Variants in KANK1 observed in about 807,000 individuals in gnomAD.
KANK1 encodes the protein KN motif and ankyrin repeat domains 1, also known as KN motif and ankyrin repeat domain-containing protein 1.
Under a neutral mutation model 106.2 loss-of-function variants are expected in KANK1, and 109 were observed. The ratio of observed to expected loss-of-function variants is 1.03; its 90% CI spans 0.88 to 1.20. The LOEUF is 1.20. Ranked by LOEUF, KANK1 falls within the 50% of genes most tolerant of loss-of-function variation. The pLI, the probability that KANK1 is intolerant of heterozygous loss-of-function variation, is 0.00. For synonymous variants in KANK1, 873 were observed against 652.2 expected (o/e 1.34, Z -5.16); for missense variants, 2,399 against 1,710.7 (o/e 1.40, Z -7.10).
At position 599,316 on chromosome 9, in the gene KANK1, C is replaced by T. The variant is rs1827142078; in HGVS notation, c.-83-77574C>T. Among the ~76,000 whole-genome samples the T allele has an allele frequency of 1.3e-5, 2 of 151,578 alleles. 1 individual carries two copies. Among genetic ancestry groups the T allele is most frequent in the African/African-American group, 4.9e-5 (2 of 40,952 alleles). ...TATAGTTGTGAGCCACCACACCCGGCAAGAAATATTATTTTTATTTTTTAA... is the reference window on the plus strand; with the variant it reads ...TATAGTTGTGAGCCACCACACCCGGTAAGAAATATTATTTTTATTTTTTAA... On this transcript the variant is annotated intron_variant, in intron 1 of 11. Coordinates refer to ENST00000382297, the MANE Select transcript of KANK1 (RefSeq NM_015158.5).
intron 10 of KANK1, among the ~76,000 whole-genome samples, chr9:743,094 G>T (rs1378852221): frequency 2.0e-5 from 3 of 152,214 alleles, no homozygotes; most frequent in African/African-American, 4.8e-5. Flanking sequence ...GTAGAAGGTA[G>T]GAACTGGCAT....
intron 1 of KANK1, among the ~76,000 whole-genome samples, chr9:642,145 A>T (rs1256403387): frequency 6.6e-6 from 1 of 152,084 alleles, no homozygotes; most frequent in African/African-American, 2.4e-5. Flanking sequence ...TGCGGATTAA[A>T]CCAGCTTACT....
chr9:602,776 T>C lies in KANK1; in HGVS notation c.-83-74114T>C, dbSNP rs1346633798. 3.9e-5 allele frequency among the ~76,000 whole-genome samples: 6 copies of C among 152,030 alleles called. No homozygotes were observed. In the East Asian group the frequency reaches 1.2e-3, roughly 29 times the overall value. Reference sequence around the variant, plus strand: ...TAGATTGAAAGCCTGTTCTCCTTGATGATTCAGTATAACTTCTTTTGACTG... The same window carrying C: ...TAGATTGAAAGCCTGTTCTCCTTGACGATTCAGTATAACTTCTTTTGACTG... On this transcript the variant is annotated intron_variant, in intron 1 of 11. Coordinates refer to ENST00000382297, the MANE Select transcript of KANK1 (RefSeq NM_015158.5).
intron 1 of KANK1, among the ~76,000 whole-genome samples, chr9:532,801 T>C (rs963930927): frequency 3.9e-5 from 6 of 152,022 alleles, no homozygotes; most frequent in African/African-American, 1.5e-4. Context: ...ATTTCTGGAG[T>C]GTGGATCGAA....
chr9:700,384 C>T (rs567602629), intron 2 of KANK1, among the ~76,000 whole-genome samples: 1 of 152,170 alleles, frequency 6.6e-6, no homozygotes, highest in Non-Finnish European at 1.5e-5. Flanking sequence ...TCAGGAGATA[C>T]CACCTGCTAA....
intron 1 of KANK1, among the ~76,000 whole-genome samples, chr9:505,084 TCGGGC>T (rs2058684416): frequency 6.6e-6 from 1 of 151,910 alleles, no homozygotes; most frequent in African/African-American, 2.4e-5. Context: ...GCGAGAAAGT[TCGGGC>T]CGGGCCGGCC....
chr9:700,378 G>C (rs1270431187), intron 2 of KANK1, among the ~76,000 whole-genome samples: 1 of 152,164 alleles, frequency 6.6e-6, no homozygotes, highest in African/African-American at 2.4e-5. Context: ...GTGTCATCAG[G>C]AGATACCACC....
chr9:592,168 A>G lies in KANK1; in HGVS notation c.-83-84722A>G, dbSNP rs1419336586. On this transcript the variant is annotated intron_variant, in intron 1 of 11. Transcript: ENST00000382297. ...AGAGGTTTTGCAAAAGCTTCAAAAAAGGGTTTGGCTGAAGGCAGCCAAATT... is the reference window on the plus strand; with the variant it reads ...AGAGGTTTTGCAAAAGCTTCAAAAAGGGGTTTGGCTGAAGGCAGCCAAATT... Among the ~76,000 whole-genome samples, 5 of 151,792 alleles carry G rather than the reference A, an allele frequency of 3.3e-5. No homozygotes were observed. In the East Asian group the frequency reaches 9.6e-4, roughly 29 times the overall value.
At chr9:562,042 C>CTTTTTT (rs34419752) in intron 1 of KANK1, among the ~76,000 whole-genome samples, 147 of 104,910 alleles carry the variant, frequency 1.4e-3, no homozygotes, top group Non-Finnish European at 1.5e-3. Flanking sequence ...ATTGCATTTT[C>CTTTTTT]TTTTTTTTTT....
chr9:708,931 C>T (rs777930275), intron 2 of KANK1, among the ~76,000 whole-genome samples: 9 of 152,204 alleles, frequency 5.9e-5, no homozygotes, highest in Non-Finnish European at 8.8e-5. Flanking sequence ...GTTTGAAATG[C>T]ATAGCCCAGG....
At chr9:533,573 C>G (rs1457282246) in intron 1 of KANK1, among the ~76,000 whole-genome samples, 1 of 152,216 alleles carries the variant, frequency 6.6e-6, no homozygotes, top group African/African-American at 2.4e-5. Context: ...TTTGACTTAT[C>G]TGAATCCTGA....
At chr9:573,453 G>A (rs1819723901) in intron 1 of KANK1, among the ~76,000 whole-genome samples, 1 of 152,008 alleles carries the variant, frequency 6.6e-6, no homozygotes, top group South Asian at 2.1e-4. Context: ...TGTATTTTTA[G>A]TAGAAATAGG....
At chr9:700,064 A>C (rs1822267337) in intron 2 of KANK1, among the ~76,000 whole-genome samples, 1 of 152,216 alleles carries the variant, frequency 6.6e-6, no homozygotes, top group South Asian at 2.1e-4. Context: ...AGGCAGTATA[A>C]ACTCTGTGAG....
At chr9:518,293 C>T (rs191711817) in intron 1 of KANK1, among the ~76,000 whole-genome samples, 73 of 151,848 alleles carry the variant, frequency 4.8e-4, no homozygotes, top group South Asian at 1.5e-3. Flanking sequence ...TGATTTGAGT[C>T]CTGGCTTAAA....
chr9:514,173 TCCCTTCCTCTCTCCC>T (rs2059167084), intron 1 of KANK1, among the ~76,000 whole-genome samples: 2 of 63,748 alleles, frequency 3.1e-5, no homozygotes, highest in Non-Finnish European at 5.0e-5. Flanking sequence ...CCTCTCTCCC[TCCCTTCCTCTCTCCC>T]TCCCTTCCTC....
chr9:643,478 G>T (rs1470284014), intron 1 of KANK1, among the ~76,000 whole-genome samples: 1 of 148,534 alleles, frequency 6.7e-6, no homozygotes, highest in East Asian at 1.9e-4. Context: ...TCCTCCCGAA[G>T]AATTTGGTTT....
At chr9:680,499 T>G (rs1361669319) in intron 2 of KANK1, among the ~76,000 whole-genome samples, 1 of 152,174 alleles carries the variant, frequency 6.6e-6, no homozygotes, top group Non-Finnish European at 1.5e-5. Context: ...TGTGTGAAAG[T>G]TATATAACAA....
At position 740,953 on chromosome 9, in the gene KANK1, T is replaced by G. The variant is rs1329095066; in HGVS notation, c.3696+19T>G. On this transcript the variant is annotated intron_variant, in intron 9 of 11. Coordinates refer to ENST00000382297, the MANE Select transcript of KANK1 (RefSeq NM_015158.5). Reference sequence around the variant, plus strand: ...TAGTCAGGTTAGTGCGCCTGGTTCCTGTGCTCAGGAATGCACCCGTAACCA... The same window carrying G: ...TAGTCAGGTTAGTGCGCCTGGTTCCGGTGCTCAGGAATGCACCCGTAACCA... 1 of 1,613,512 alleles carries G rather than the reference T, an allele frequency of 6.2e-7. No homozygotes were observed. Among genetic ancestry groups the G allele is most frequent in the East Asian group, 2.2e-5 (1 of 44,868 alleles).
intron 7 of KANK1, among the ~76,000 whole-genome samples, chr9:737,118 C>A (rs1834003390): frequency 6.6e-6 from 1 of 152,154 alleles, no homozygotes; most frequent in Admixed American, 6.5e-5. Flanking sequence ...ATAATCATGT[C>A]AGGACACCAG....
Sources: gnomAD v4.1 joint callset for allele counts (sites outside exome capture counted in the v4.1 genomes callset) on GRCh38, gnomAD v4.1.1 for gene constraint, MANE v1.5 for transcripts, NCBI Gene and HGNC (gene_info 2026-07-23, HGNC 2026-07-21) for gene names.